Variants in IGSF21 observed in about 807,000 individuals in gnomAD.
IGSF21 encodes immunoglobulin superfamily member 21.
In IGSF21, 28 loss-of-function variants were observed where a neutral mutation model predicts 46.8. That is an observed-to-expected ratio of 0.60 (90% confidence interval 0.44 to 0.82). IGSF21 has a LOEUF of 0.82. Among genes scored for constraint, IGSF21 ranks in the 40% least tolerant of loss-of-function variants. The probability of loss-of-function intolerance (pLI) is 0.00; values close to 1 mark genes in which losing one functional copy is unlikely to be tolerated. For missense variants in IGSF21, 624 were observed against 665.5 expected (o/e 0.94, Z 0.69); for synonymous variants, 284 against 273.6 (o/e 1.04, Z -0.38).
chr1:18,230,185 G>A (rs2084610026), intron 2 of IGSF21, among the ~76,000 whole-genome samples: 2 of 152,180 alleles, frequency 1.3e-5, no homozygotes, highest in Non-Finnish European at 2.9e-5. Flanking sequence ...TTTCCACATG[G>A]CTTGACTTGA....
chr1:18,116,727 A>T (rs2086192922), intron 1 of IGSF21, among the ~76,000 whole-genome samples: 1 of 152,240 alleles, frequency 6.6e-6, no homozygotes, highest in Non-Finnish European at 1.5e-5. Flanking sequence ...ACAATTAAAA[A>T]TCACATGTAA....
At position 18,108,250 on chromosome 1, in the gene IGSF21, G is replaced by C. The variant is rs962616056; in HGVS notation, c.70+52G>C. 63 of 1,311,792 alleles carry C rather than the reference G, an allele frequency of 4.8e-5. No individual in the cohort carries two copies. In the African/African-American group the frequency reaches 7.4e-4, roughly 15 times the overall value. The allele number at this position is 1,311,792 out of a possible 1,614,324, so 81.3% of individuals were successfully genotyped here. ...CCGAGCGGTGAACGTGCGCGGGGACGGGGTGCCGGGGGAGGGCGCTGGCCG... is the reference window on the plus strand; with the variant it reads ...CCGAGCGGTGAACGTGCGCGGGGACCGGGTGCCGGGGGAGGGCGCTGGCCG... On this transcript the variant is annotated intron_variant, in intron 1 of 9. Coordinates refer to ENST00000251296, the MANE Select transcript of IGSF21 (RefSeq NM_032880.5).
chr1:18,284,870 A>T (rs78665345), intron 2 of IGSF21, among the ~76,000 whole-genome samples: 2,972 of 151,724 alleles, frequency 0.02, 42 homozygotes, highest in African/African-American at 0.04. Flanking sequence ...TCTATATCTA[A>T]TCAGTTCATT....
chr1:18,357,707 C>G (rs1402263620), intron 4 of IGSF21, among the ~76,000 whole-genome samples: 1 of 152,086 alleles, frequency 6.6e-6, no homozygotes, highest in Non-Finnish European at 1.5e-5. Flanking sequence ...AGTGAAGCAT[C>G]TGTCAGGAGC....
intron 2 of IGSF21, among the ~76,000 whole-genome samples, chr1:18,268,789 G>T (rs932034741): frequency 6.6e-6 from 1 of 152,182 alleles, no homozygotes; most frequent in Middle Eastern, 3.2e-3. Context: ...TTGGAGAAAG[G>T]GCTGAGAGCT....
intron 1 of IGSF21, among the ~76,000 whole-genome samples, chr1:18,200,144 T>C (rs2087056791): frequency 6.6e-6 from 1 of 152,184 alleles, no homozygotes; most frequent in Non-Finnish European, 1.5e-5. Context: ...TCTTGCGTCT[T>C]CCCAACTGCA....
intron 2 of IGSF21, among the ~76,000 whole-genome samples, chr1:18,262,015 A>G (rs1286375303): frequency 6.6e-6 from 1 of 152,164 alleles, no homozygotes; most frequent in Non-Finnish European, 1.5e-5. Context: ...TGTGTGTAAG[A>G]ATCACCTGAA....
chr1:18,311,405 G>A (rs1169446533), intron 3 of IGSF21, among the ~76,000 whole-genome samples: 4 of 152,156 alleles, frequency 2.6e-5, no homozygotes, highest in Non-Finnish European at 4.4e-5. Flanking sequence ...CCTCTGCTTC[G>A]TCTCTGCACT....
intron 3 of IGSF21, among the ~76,000 whole-genome samples, chr1:18,332,690 G>A (rs548109476): frequency 3.3e-4 from 50 of 152,226 alleles, no homozygotes; most frequent in Non-Finnish European, 5.9e-4. Flanking sequence ...GGAGGGGGAC[G>A]GCGTCTTCTC....
intron 2 of IGSF21, among the ~76,000 whole-genome samples, chr1:18,238,250 G>T (rs1553156612): frequency 6.6e-6 from 1 of 152,202 alleles, no homozygotes; most frequent in Non-Finnish European, 1.5e-5. Flanking sequence ...TAGCTGCGAG[G>T]TTGTGCCAGA....
At chr1:18,240,422 C>T (rs1224917722) in intron 2 of IGSF21, among the ~76,000 whole-genome samples, 2 of 152,232 alleles carry the variant, frequency 1.3e-5, no homozygotes, top group Non-Finnish European at 2.9e-5. Flanking sequence ...GTGGTCACCG[C>T]TTTGACAGAG....
intron 4 of IGSF21, among the ~76,000 whole-genome samples, chr1:18,339,533 C>T (rs963144824): frequency 2.0e-5 from 3 of 152,040 alleles, no homozygotes; most frequent in African/African-American, 2.4e-5. Flanking sequence ...GGAGTTCTAG[C>T]CCAGCCTGGG....
intron 1 of IGSF21, among the ~76,000 whole-genome samples, chr1:18,199,979 AG>A (rs1379002550): frequency 6.6e-6 from 1 of 151,834 alleles, no homozygotes; most frequent in Non-Finnish European, 1.5e-5. Context: ...AGCGGGTCCA[AG>A]GGGGCTCTGG....
At chr1:18,300,441 C>T (rs1450809544) in intron 3 of IGSF21, among the ~76,000 whole-genome samples, 1 of 152,124 alleles carries the variant, frequency 6.6e-6, no homozygotes, top group African/African-American at 2.4e-5. Flanking sequence ...TTCTAAGGCC[C>T]CTAAAGCCAG....
chr1:18,295,925 C>T (rs1174058221), intron 3 of IGSF21, among the ~76,000 whole-genome samples: 1 of 152,222 alleles, frequency 6.6e-6, no homozygotes, highest in Non-Finnish European at 1.5e-5. Context: ...TCCTTCACCT[C>T]GTATGCCCAG....
At chr1:18,348,299 C>T (rs2085915441) in intron 4 of IGSF21, among the ~76,000 whole-genome samples, 1 of 152,208 alleles carries the variant, frequency 6.6e-6, no homozygotes, top group Non-Finnish European at 1.5e-5. Flanking sequence ...CTGGAATTAT[C>T]TAGGCAGGTG....
In IGSF21 at chr1:18,337,143, T is replaced by C. The variant is rs1345516109; in HGVS notation, c.424+2133T>C. The stretch of plus-strand genomic sequence containing the variant: ...AGACCATCCTACACTCCCTCCCAGC[T>C]CTGACACTTCTGAGTCCCTTACTCC... On this transcript the variant is annotated intron_variant, in intron 4 of 9. Transcript: ENST00000251296. The surrounding 1 kb of genome is among the most constrained non-coding windows in gnomAD (Gnocchi z 5.7). Among the ~76,000 whole-genome samples, 1 of 152,114 alleles carries C rather than the reference T, an allele frequency of 6.6e-6. No individual in the cohort carries two copies. The highest frequency in any genetic ancestry group is 1.5e-5 in the Non-Finnish European group (1 of 68,030).
chr1:18,273,334 CCTTTCCTTTCCTTT>C (rs1436446770), intron 2 of IGSF21, among the ~76,000 whole-genome samples: 13,981 of 75,288 alleles, frequency 0.19, 1,445 homozygotes, highest in Middle Eastern at 0.25. Context: ...AGCCACCATT[CCTTTCCTTTCCTTT>C]CCTTTCCTTT....
At chr1:18,125,624 A>G (rs749140055) in intron 1 of IGSF21, among the ~76,000 whole-genome samples, 73 of 152,188 alleles carry the variant, frequency 4.8e-4, no homozygotes, top group Non-Finnish European at 6.0e-4. Flanking sequence ...ACTCATGTTT[A>G]TTGGACCCCT....
Sources: allele counts gnomAD v4.1 joint callset (sites outside exome capture counted in the v4.1 genomes callset), GRCh38; gene constraint gnomAD v4.1.1; non-coding constraint Gnocchi (gnomAD v3.1); transcripts MANE v1.5; gene names NCBI Gene and HGNC (gene_info 2026-07-23, HGNC 2026-07-21).